Variants in TIMM23 observed in about 807,000 individuals in gnomAD.
TIMM23 encodes the protein translocase of inner mitochondrial membrane 23.
Under a neutral mutation model 30.7 loss-of-function variants are expected in TIMM23, and 19 were observed. The ratio of observed to expected loss-of-function variants is 0.62; its 90% CI spans 0.43 to 0.91. The LOEUF (loss-of-function observed/expected upper bound fraction) is 0.91, where lower values mean the gene tolerates loss of function less well. Ranked by LOEUF, TIMM23 falls within the 40% of genes least tolerant of loss-of-function variation. The pLI, the probability that TIMM23 is intolerant of heterozygous loss-of-function variation, is 0.00. For synonymous variants in TIMM23, 78 were observed against 98.5 expected, an observed-to-expected ratio of 0.79 and a Z score of 1.23; for missense variants, 202 against 269.2, an observed-to-expected ratio of 0.75 and a Z score of 1.75.
intron 6 of TIMM23, 131 bp downstream of exon 6, chr10:45,988,978 T>G: frequency 1.2e-6 from 1 of 831,508 alleles, no homozygotes; most frequent in Non-Finnish European, 1.9e-6. Context: ...TATTTTGGTT[T>G]GGTTTGGTTT....
chr10:46,003,353 G>C lies in TIMM23; in HGVS notation c.*35G>C. On this transcript the variant is annotated 3_prime_UTR_variant, in exon 7 of 7. Transcript: ENST00000580018. ...CAACTCATGAATGGAGGACACTTCA[G>C]TAGTCATCTAGATCCTTTTATAAGA... 2 of 1,404,552 alleles carry C rather than the reference G, an allele frequency of 1.4e-6. No individual in the cohort carries two copies. Among genetic ancestry groups the C allele is most frequent in the Non-Finnish European group, 2.0e-6 (2 of 991,056 alleles). 87.0% of individuals were successfully genotyped at this position (1,404,552 alleles called of 1,614,324 possible). A position where few individuals can be genotyped will look rare whatever the true frequency, so the allele number is the denominator to read the frequency against.
chr10:45,973,432 G>A (rs1408990047), intron 1 of TIMM23, among the ~76,000 whole-genome samples: 10 of 152,286 alleles, frequency 6.6e-5, no homozygotes, highest in Admixed American at 2.6e-4. Flanking sequence ...TGGACCTAAA[G>A]ATAGGCAGTT....
intron 5 of TIMM23, among the ~76,000 whole-genome samples, chr10:45,987,895 T>C (rs1838043596): frequency 6.6e-6 from 1 of 152,088 alleles, no homozygotes; most frequent in South Asian, 2.1e-4. Flanking sequence ...GTGCTGGGAT[T>C]ACAGAAACTT....
chr10:45,995,571 ACT>A (rs1838302538), intron 6 of TIMM23, among the ~76,000 whole-genome samples: 1 of 138,144 alleles, frequency 7.2e-6, no homozygotes, highest in South Asian at 2.3e-4. Context: ...GCCCAACAAA[ACT>A]CTTGCTGGCT....
chr10:45,975,177 A>C (rs1837630170), intron 1 of TIMM23, among the ~76,000 whole-genome samples: 1 of 152,204 alleles, frequency 6.6e-6, no homozygotes, highest in East Asian at 1.9e-4. Context: ...CCTGGACTAC[A>C]CTTCCTGTAA....
rs916736369 is a variant in TIMM23 at position 46,003,019 on chromosome 10, A to G, written c.515-184A>G. Among the ~76,000 whole-genome samples the G allele has an allele frequency of 2.0e-5, 3 of 151,960 alleles. No individual in the cohort carries two copies. The East Asian group carries it at 5.8e-4, about 29-fold the overall frequency. On this transcript the variant is annotated intron_variant, in intron 6 of 6. Coordinates refer to ENST00000580018, the MANE Select transcript of TIMM23 (RefSeq NM_006327.4). ...TTTGAATTTTTAATAGGGTTTCACT[A>G]TGTTGGCCAGGCTGGTTGAACTCCT...
At chr10:45,973,464 G>A (rs1837563720) in intron 1 of TIMM23, among the ~76,000 whole-genome samples, 1 of 152,070 alleles carries the variant, frequency 6.6e-6, no homozygotes, top group Non-Finnish European at 1.5e-5. Flanking sequence ...AAGCCTTTAC[G>A]AAAGTACTTT....
rs1272979626 is a variant in TIMM23, at chr10:46,003,461, A to G, written c.*143A>G. ...TGATTTGCTGTGATGAAAATCCTGGATGGCTGACCAAGACTGGCACTTGTT... is the reference window on the plus strand; with the variant it reads ...TGATTTGCTGTGATGAAAATCCTGGGTGGCTGACCAAGACTGGCACTTGTT... On this transcript the variant is annotated 3_prime_UTR_variant, in exon 7 of 7. Coordinates refer to ENST00000580018, the MANE Select transcript of TIMM23 (RefSeq NM_006327.4). The G allele has an allele frequency of 1.6e-6, 1 of 623,140 alleles. No individual in the cohort carries two copies. The highest frequency in any genetic ancestry group is 1.9e-5 in the African/African-American group (1 of 53,556). 38.6% of individuals were successfully genotyped at this position (623,140 alleles called of 1,614,324 possible).
intron 6 of TIMM23, among the ~76,000 whole-genome samples, chr10:45,997,550 G>A (rs1020376978): frequency 6.6e-6 from 1 of 152,150 alleles, no homozygotes; most frequent in Non-Finnish European, 1.5e-5. Flanking sequence ...CGTGGCTCAC[G>A]CCTGTAGTCT....
chr10:45,975,613 A>G (rs1837650245), intron 2 of TIMM23, 101 bp downstream of exon 2: 1 of 1,485,150 alleles, frequency 6.7e-7, no homozygotes, highest in African/African-American at 1.4e-5. Context: ...TTTTGGAGGC[A>G]GTAAGTCTCT....
chr10:45,983,958 G>C (rs1837925827), intron 4 of TIMM23, among the ~76,000 whole-genome samples: 1 of 152,080 alleles, frequency 6.6e-6, no homozygotes, highest in Non-Finnish European at 1.5e-5. Context: ...TGCTCAGGCT[G>C]TTCTCAAACT....
Position 46,003,439 on chromosome 10 carries a change from T to C in TIMM23, c.*121T>C. ...TAGTTTGAAAAATTGGAGATTTTGA[T>C]TTGCTGTGATGAAAATCCTGGATGG... On this transcript the variant is annotated 3_prime_UTR_variant, in exon 7 of 7. Coordinates refer to ENST00000580018, the MANE Select transcript of TIMM23 (RefSeq NM_006327.4). The C allele has an allele frequency of 2.7e-6, 2 of 736,636 alleles. No homozygotes were observed. Among genetic ancestry groups the C allele is most frequent in the East Asian group, 5.6e-5 (2 of 35,844 alleles). 45.6% of individuals were successfully genotyped at this position (736,636 alleles called of 1,614,324 possible).
chr10:45,974,402 G>A (rs1265785379), intron 1 of TIMM23, among the ~76,000 whole-genome samples: 1 of 152,138 alleles, frequency 6.6e-6, no homozygotes, highest in Non-Finnish European at 1.5e-5. Context: ...ATGCTTGGGA[G>A]GCAAGTATCC....
chr10:45,993,217 G>A (rs587647938), intron 6 of TIMM23, among the ~76,000 whole-genome samples: 23 of 128,042 alleles, frequency 1.8e-4, no homozygotes, highest in African/African-American at 6.1e-4. Context: ...ACTTGCTAAC[G>A]TTTGCCAGTG....
At chr10:45,985,899 A>G (rs1415599516) in intron 5 of TIMM23, among the ~76,000 whole-genome samples, 4 of 152,236 alleles carry the variant, frequency 2.6e-5, no homozygotes, top group East Asian at 1.9e-4. Context: ...CACAATTGGA[A>G]TAGGTTCCTT....
At chr10:45,980,485 T>A (rs1195284511) in intron 2 of TIMM23, among the ~76,000 whole-genome samples, 56 of 152,128 alleles carry the variant, frequency 3.7e-4, no homozygotes, top group Admixed American at 2.5e-3. Context: ...TTTTTTTTTT[T>A]AAATTGTGTC....
At chr10:45,987,543 T>C (rs1336000417) in intron 5 of TIMM23, among the ~76,000 whole-genome samples, 2 of 152,118 alleles carry the variant, frequency 1.3e-5, no homozygotes, top group African/African-American at 4.8e-5. Flanking sequence ...TCTTTGGGTT[T>C]GATTAATTTA....
At position 45,975,436 on chromosome 10, in the gene TIMM23, A is replaced by G. The variant is rs1554912836; in HGVS notation, c.107-18A>G. ...TTAAAGAATTTTGTTGCAATGTGACATTTTGTTTTCTCTCTAGTAACTGGT... is the reference window on the plus strand; with the variant it reads ...TTAAAGAATTTTGTTGCAATGTGACGTTTTGTTTTCTCTCTAGTAACTGGT... On this transcript the variant is annotated intron_variant, in intron 1 of 6. Transcript: ENST00000580018. The G allele has an allele frequency of 1.9e-6, 3 of 1,613,784 alleles. No homozygotes were observed. The highest frequency in any genetic ancestry group is 1.1e-5 in the South Asian group (1 of 91,056).
At chr10:45,987,615 A>ATTTT (rs781826848) in intron 5 of TIMM23, among the ~76,000 whole-genome samples, 4 of 79,142 alleles carry the variant, frequency 5.1e-5, no homozygotes, top group African/African-American at 1.1e-4. Context: ...TATTATAAAG[A>ATTTT]TTTTTTTTTT....
Sources: gnomAD v4.1 joint callset for allele counts (sites outside exome capture counted in the v4.1 genomes callset) on GRCh38, gnomAD v4.1.1 for gene constraint, MANE v1.5 for transcripts, NCBI Gene and HGNC (gene_info 2026-07-23, HGNC 2026-07-21) for gene names.